KCMF1: variants seen among roughly 807,000 people sequenced by gnomAD.
The protein encoded by KCMF1 is potassium channel modulatory factor 1, also known as E3 ubiquitin-protein ligase KCMF1.
Under a neutral mutation model 41.1 loss-of-function variants are expected in KCMF1, and 3 were observed. The observed-to-expected ratio is 0.07, with a 90% CI of 0.03 to 0.19. The LOEUF (loss-of-function observed/expected upper bound fraction) is 0.19. Ranked by LOEUF, KCMF1 falls within the 10% of genes least tolerant of loss-of-function variation. The probability of loss-of-function intolerance (pLI) is 1.00; values close to 1 mark genes in which losing one functional copy is unlikely to be tolerated. For synonymous variants in KCMF1, 142 were observed against 164.5 expected (o/e 0.86, Z 1.04); for missense variants, 286 against 488.9 (o/e 0.58, Z 3.91).
At chr2:85,016,026 G>GA (rs1200545205) in intron 1 of KCMF1, among the ~76,000 whole-genome samples, 22 of 150,862 alleles carry the variant, frequency 1.5e-4, no homozygotes, top group Non-Finnish European at 2.8e-4. Context: ...ATTCTACCTG[G>GA]AAAAAAAAAG....
intron 1 of KCMF1, among the ~76,000 whole-genome samples, chr2:84,999,312 G>A (rs966248116): frequency 6.6e-6 from 1 of 151,594 alleles, no homozygotes; most frequent in Admixed American, 6.6e-5. Context: ...CAACACACCC[G>A]GCTAATTTTT....
chr2:84,980,245 A>C (rs1419620441), intron 1 of KCMF1, among the ~76,000 whole-genome samples: 1 of 152,238 alleles, frequency 6.6e-6, no homozygotes, highest in Admixed American at 6.5e-5. Flanking sequence ...GTGAGGAGCC[A>C]GGAAAAGATA....
At chr2:84,988,347 A>G (rs1673953912) in intron 1 of KCMF1, among the ~76,000 whole-genome samples, 2 of 152,210 alleles carry the variant, frequency 1.3e-5, no homozygotes, top group African/African-American at 4.8e-5. Context: ...TATTTATTGA[A>G]TACTTACTAT....
Position 85,004,781 on chromosome 2 carries a change from G to C in KCMF1, c.17-23108G>C, listed in dbSNP as rs145854338. The stretch of plus-strand genomic sequence containing the variant: ...ATTTTCATGAGTCTTGCTTGAACTA[G>C]GCCTTTTTATGAATGACACTGAAAA... On this transcript the variant is annotated intron_variant, in intron 1 of 6. Coordinates refer to ENST00000409785, the MANE Select transcript of KCMF1 (RefSeq NM_020122.5). Among the ~76,000 whole-genome samples the C allele has an allele frequency of 4.6e-5, 7 of 152,148 alleles. No homozygotes were observed. In the East Asian group the frequency reaches 1.4e-3, roughly 29 times the overall value.
In KCMF1 at chr2:85,017,611, T is replaced by C. The variant is rs184088631; in HGVS notation, c.17-10278T>C. On this transcript the variant is annotated intron_variant, in intron 1 of 6. Transcript: ENST00000409785. Reference sequence around the variant, plus strand: ...ATGATAGCTAGAAGTCAAAATCGGCTGTCAATGGCAAGTGCTATATAATCC... The same window carrying C: ...ATGATAGCTAGAAGTCAAAATCGGCCGTCAATGGCAAGTGCTATATAATCC... Among the ~76,000 whole-genome samples the C allele has an allele frequency of 3.6e-3, 488 of 134,922 alleles. 3 individuals carry two copies. Among genetic ancestry groups the C allele is most frequent in the Middle Eastern group, 7.3e-3 (2 of 274 alleles). The allele number at this position is 134,922 out of a possible 152,430, so 88.5% of individuals were successfully genotyped here.
At chr2:85,045,333 C>T (rs749645832) in intron 4 of KCMF1, among the ~76,000 whole-genome samples, 1 of 152,092 alleles carries the variant, frequency 6.6e-6, no homozygotes, top group African/African-American at 2.4e-5. Flanking sequence ...AAACCATCCT[C>T]ATGAATATGA....
chr2:85,008,263 CATATATAATATATAATATGATATATAAT>C lies in KCMF1; in HGVS notation c.17-19599_17-19572del, dbSNP rs1558573267. 8.7e-5 allele frequency among the ~76,000 whole-genome samples: 6 copies of C among 68,828 alleles called. No homozygotes were observed. In the South Asian group the frequency reaches 1.2e-3, roughly 14 times the overall value. The allele number at this position is 68,828 out of a possible 152,430, so 45.2% of individuals were successfully genotyped here. Reference sequence around the variant, plus strand: ...ATTATATATGATATATATTATATATCATATATAATATATAATATGATATATAATATATATAATATATAATATGATATAT... The same window carrying C: ...ATTATATATGATATATATTATATATCATATATAATATATAATATGATATAT... On this transcript the variant is annotated intron_variant, in intron 1 of 6. Transcript: ENST00000409785.
chr2:85,007,199 C>T (rs1303660964), intron 1 of KCMF1, among the ~76,000 whole-genome samples: 1 of 151,966 alleles, frequency 6.6e-6, no homozygotes, highest in Non-Finnish European at 1.5e-5. Flanking sequence ...CCTTTCTCTG[C>T]AGGTTTACTC....
At chr2:85,035,232 C>T in intron 3 of KCMF1, 77 bp downstream of exon 3, 1 of 1,193,444 alleles carries the variant, frequency 8.4e-7, no homozygotes, top group South Asian at 1.5e-5. Context: ...AGCTAGGTCA[C>T]TGTCATCTGC....
At chr2:84,996,528 TG>T (rs1674180601) in intron 1 of KCMF1, among the ~76,000 whole-genome samples, 1 of 147,476 alleles carries the variant, frequency 6.8e-6, no homozygotes, top group South Asian at 2.1e-4. Flanking sequence ...CTCCGCCTCC[TG>T]GGTTCAAGCG....
At chr2:84,997,764 CTTTTTTTTTT>C (rs112460793) in intron 1 of KCMF1, among the ~76,000 whole-genome samples, 8 of 80,248 alleles carry the variant, frequency 1.0e-4, no homozygotes, top group South Asian at 9.2e-4. Flanking sequence ...AATACATTTT[CTTTTTTTTTT>C]TTTTTTTTTT....
chr2:85,009,152 C>T (rs931510896), intron 1 of KCMF1, among the ~76,000 whole-genome samples: 3 of 152,112 alleles, frequency 2.0e-5, no homozygotes, highest in Non-Finnish European at 2.9e-5. Flanking sequence ...CAGACTTCCC[C>T]CTTGCTGTTC....
At chr2:85,015,360 A>G (rs1049748020) in intron 1 of KCMF1, among the ~76,000 whole-genome samples, 2 of 152,140 alleles carry the variant, frequency 1.3e-5, no homozygotes, top group African/African-American at 4.8e-5. Context: ...TTTATGAGTC[A>G]GAAAACAGCT....
intron 1 of KCMF1, among the ~76,000 whole-genome samples, chr2:84,990,894 A>G (rs114244447): frequency 0.015 from 2,332 of 152,216 alleles, 31 homozygotes; most frequent in South Asian, 0.063. Context: ...GGGACATTTT[A>G]GGCCTTGGTG....
At chr2:84,990,648 T>G (rs1232789578) in intron 1 of KCMF1, among the ~76,000 whole-genome samples, 1 of 146,222 alleles carries the variant, frequency 6.8e-6, no homozygotes, top group South Asian at 2.1e-4. Context: ...ATCTCTGTTT[T>G]AATTAAAAAA....
At position 85,053,400 on chromosome 2, in the gene KCMF1, T is replaced by A. The variant is rs1675854047; in HGVS notation, c.1137T>A (p.Pro379=). 6.2e-7 allele frequency: 1 copy of A among 1,611,484 alleles called. No individual in the cohort carries two copies. Among genetic ancestry groups the A allele is most frequent in the Non-Finnish European group, 8.5e-7 (1 of 1,178,750 alleles). ...ESNKGNEPPP[P]PL is the part of the protein sequence containing the mutation. Reference sequence around the variant, plus strand: ...ATAAAGGAAATGAGCCTCCACCACCTCCTCTTTGATGACATCCCAATTCGC... The same window carrying A: ...ATAAAGGAAATGAGCCTCCACCACCACCTCTTTGATGACATCCCAATTCGC... Residue 379 remains proline, a synonymous_variant, in exon 7 of 7, where the codon CCT becomes CCA. Transcript: ENST00000409785.
chr2:85,046,437 C>T (rs533703297), intron 5 of KCMF1, among the ~76,000 whole-genome samples, 159 bp downstream of exon 5: 1 of 152,108 alleles, frequency 6.6e-6, no homozygotes, highest in East Asian at 1.9e-4. Flanking sequence ...CAAGACCAGC[C>T]TGGCCAACAT....
At chr2:84,982,698 C>T (rs1304219613) in intron 1 of KCMF1, among the ~76,000 whole-genome samples, 1 of 152,030 alleles carries the variant, frequency 6.6e-6, no homozygotes, top group African/African-American at 2.4e-5. Context: ...ATGCCCGGCC[C>T]TTCTTTTCTA....
rs34687477 is a variant in KCMF1 at position 84,982,389 on chromosome 2, C to CTTTTT, written c.16+10951_16+10955dup. ...GAGTTACAGATGTGTTCCTTATTTT[C>CTTTTT]TTTTTTTTTTTTTTTTTTTTTTTTT... is the stretch of plus-strand genomic sequence containing the variant. On this transcript the variant is annotated intron_variant, in intron 1 of 6. Coordinates refer to ENST00000409785, the MANE Select transcript of KCMF1 (RefSeq NM_020122.5). 3.9e-3 allele frequency among the ~76,000 whole-genome samples: 185 copies of CTTTTT among 47,270 alleles called. 31 individuals carry two copies. The highest frequency in any genetic ancestry group is 6.6e-3 in the South Asian group (5 of 752). 31.0% of individuals were successfully genotyped at this position (47,270 alleles called of 152,430 possible).
Sources: allele counts gnomAD v4.1 joint callset (sites outside exome capture counted in the v4.1 genomes callset), GRCh38; gene constraint gnomAD v4.1.1; transcripts MANE v1.5; gene names NCBI Gene and HGNC (gene_info 2026-07-23, HGNC 2026-07-21).